The following GINS4 variants were observed in gnomAD, a reference collection of about 807,000 sequenced individuals.
The protein encoded by GINS4 is GINS complex subunit 4.
GINS4 carries 20 observed loss-of-function variants against 31.1 expected under a neutral mutation model. The observed-to-expected ratio is 0.64, with a 90% CI of 0.45 to 0.93. The LOEUF is 0.93. Ranked by LOEUF, GINS4 falls within the 40% of genes least tolerant of loss-of-function variation. GINS4 has a pLI of 0.00. For synonymous variants in GINS4, 85 were observed against 97.9 expected, an observed-to-expected ratio of 0.87 and a Z score of 0.78; for missense variants, 245 against 273.9, an observed-to-expected ratio of 0.89 and a Z score of 0.75.
chr8:41,540,508 G>A (rs1306662761), intron 6 of GINS4: 1 of 157,226 alleles, frequency 6.4e-6, no homozygotes, highest in Admixed American at 6.2e-5. Flanking sequence ...GTGGAGAGAG[G>A]AGGGAGGGGA....
At chr8:41,533,213 T>G (rs530425990) in intron 2 of GINS4, among the ~76,000 whole-genome samples, 7 of 152,260 alleles carry the variant, frequency 4.6e-5, no homozygotes, top group African/African-American at 1.7e-4. Flanking sequence ...CCATAAAATA[T>G]GAGCTGCCAA....
rs144307110 is a variant in GINS4 at position 41,541,857 on chromosome 8, G to A, written c.533G>A (p.Arg178Gln). The A allele has an allele frequency of 1.5e-4, 249 of 1,614,018 alleles. 1 individual carries two copies. Among genetic ancestry groups the A allele is most frequent in the Non-Finnish European group, 1.9e-4 (222 of 1,180,022 alleles). ...TACGTGTTTCTGAGAGTGAGAGAACGACAAGAAAACATACTGGTAGAACCA... is the reference window on the plus strand; with the variant it reads ...TACGTGTTTCTGAGAGTGAGAGAACAACAAGAAAACATACTGGTAGAACCA... ...DSYVFLRVRE[R>Q]QENILVEPDT... The change falls in exon 7 of 8, where the codon CGA (arginine) becomes CAA (glutamine). Residue 178 changes from arginine to glutamine, a missense_variant. Arg to Gln is a conservative substitution (Grantham distance 43). Coordinates refer to ENST00000276533, the MANE Select transcript of GINS4 (RefSeq NM_032336.3).
At position 41,541,790 on chromosome 8, in the gene GINS4, ATTG is replaced by A; in HGVS notation, c.485-13_485-11del. 2 of 1,600,116 alleles carry A rather than the reference ATTG, an allele frequency of 1.2e-6. No homozygotes were observed. The highest frequency in any genetic ancestry group is 1.7e-6 in the Non-Finnish European group (2 of 1,167,680). On this transcript the variant is annotated splice_polypyrimidine_tract_variant and intron_variant, in intron 6 of 7. Coordinates refer to ENST00000276533, the MANE Select transcript of GINS4 (RefSeq NM_032336.3). ...TGTTGGCCGAGGATTTCCTAATCACATTGTTGTTTTCCTGGCAGTTCCCAAACC... is the reference window on the plus strand; with the variant it reads ...TGTTGGCCGAGGATTTCCTAATCACATTGTTTTCCTGGCAGTTCCCAAACC...
chr8:41,530,789 G>A lies in GINS4; in HGVS notation c.96+491G>A, dbSNP rs188066499. ...CCTTTCTGAAATATTTCTCCTTTAA[G>A]TTGTAATAGCTATGACTTACTGCAT... is the stretch of plus-strand genomic sequence containing the variant. On this transcript the variant is annotated intron_variant, in intron 2 of 7. Coordinates refer to ENST00000276533, the MANE Select transcript of GINS4 (RefSeq NM_032336.3). Among the ~76,000 whole-genome samples the A allele has an allele frequency of 2.4e-3, 283 of 116,522 alleles. 3 individuals are homozygous for A. The highest frequency in any genetic ancestry group is 0.015 in the Admixed American group (170 of 11,704). 76.4% of individuals were successfully genotyped at this position (116,522 alleles called of 152,430 possible).
In GINS4 at chr8:41,544,672, T is replaced by C. The variant is rs547676638; in HGVS notation, c.*2585T>C. 1 of 152,266 alleles carries C rather than the reference T, an allele frequency of 6.6e-6. No individual in the cohort carries two copies. Among genetic ancestry groups the C allele is most frequent in the African/African-American group, 2.4e-5 (1 of 41,536 alleles). 9.4% of individuals were successfully genotyped at this position (152,266 alleles called of 1,614,324 possible). ...TCAAAAGCATTTAATTCCCATTCAA[T>C]TGAAAATGTTTCAAGAACAAACCTG... On this transcript the variant is annotated 3_prime_UTR_variant, in exon 8 of 8. Coordinates refer to ENST00000276533, the MANE Select transcript of GINS4 (RefSeq NM_032336.3).
intron 2 of GINS4, among the ~76,000 whole-genome samples, chr8:41,533,720 T>G (rs951606673): frequency 6.6e-6 from 1 of 152,208 alleles, no homozygotes; most frequent in African/African-American, 2.4e-5. Context: ...TAGTGATTGT[T>G]TTAGTTTGCT....
intron 4 of GINS4, chr8:41,538,145 CTT>C (rs1361434987): frequency 2.0e-5 from 3 of 152,154 alleles, no homozygotes; most frequent in African/African-American, 7.2e-5. Context: ...TAAATTATCT[CTT>C]CTACATGAGA....
At chr8:41,541,048 C>T (rs538445039) in intron 6 of GINS4, among the ~76,000 whole-genome samples, 5 of 151,778 alleles carry the variant, frequency 3.3e-5, no homozygotes, top group East Asian at 1.9e-4. Flanking sequence ...CCCTCCCCCC[C>T]ACCTTTTGAT....
At chr8:41,541,077 T>C (rs1398965555) in intron 6 of GINS4, among the ~76,000 whole-genome samples, 1 of 148,192 alleles carries the variant, frequency 6.7e-6, no homozygotes, top group Non-Finnish European at 1.5e-5. Context: ...TTTGTTTGCT[T>C]TTTATTTTTT....
chr8:41,531,826 G>C (rs1203407999), intron 2 of GINS4, among the ~76,000 whole-genome samples: 1 of 152,068 alleles, frequency 6.6e-6, no homozygotes, highest in Non-Finnish European at 1.5e-5. Context: ...AAGGAAAAAA[G>C]GGATACATTC....
intron 2 of GINS4, among the ~76,000 whole-genome samples, chr8:41,532,874 T>C (rs1165901373): frequency 4.6e-5 from 7 of 151,596 alleles, no homozygotes; most frequent in African/African-American, 1.5e-4. Context: ...TGCACACTTA[T>C]ATACTGCCGT....
chr8:41,541,924 T>C, intron 7 of GINS4, 25 bp downstream of exon 7: 1 of 1,611,834 alleles, frequency 6.2e-7, no homozygotes, highest in Non-Finnish European at 8.5e-7. Flanking sequence ...TCTTTCACAG[T>C]GGGCACATTC....
Position 41,544,850 on chromosome 8 carries a change from C to G in GINS4, c.*2763C>G, listed in dbSNP as rs943428359. ...GTGCAGTTGCTGCTGGCCCGGGGAC[C>G]ACATTGAATGACGGCTCTACGTCCT... is the stretch of plus-strand genomic sequence containing the variant. On this transcript the variant is annotated 3_prime_UTR_variant, in exon 8 of 8. Coordinates refer to ENST00000276533, the MANE Select transcript of GINS4 (RefSeq NM_032336.3). The G allele has an allele frequency of 3.3e-5, 5 of 152,226 alleles. No homozygotes were observed. The South Asian group carries it at 1.0e-3, about 32-fold the overall frequency. The allele number at this position is 152,226 out of a possible 1,614,324, so 9.4% of individuals were successfully genotyped here. A position where few individuals can be genotyped will look rare whatever the true frequency, so the allele number is the denominator to read the frequency against.
At chr8:41,537,562 A>G (rs1013078456) in intron 4 of GINS4, 2 of 367,626 alleles carry the variant, frequency 5.4e-6, no homozygotes, top group Admixed American at 4.3e-5. Flanking sequence ...GCGTTACAGC[A>G]TGGCAGTGCT....
intron 2 of GINS4, among the ~76,000 whole-genome samples, chr8:41,535,131 A>C (rs1357406241): frequency 6.6e-6 from 1 of 152,102 alleles, no homozygotes; most frequent in Non-Finnish European, 1.5e-5. Flanking sequence ...TGAGGTCAGG[A>C]GTTCAAGACC....
chr8:41,538,028 A>G (rs1412442016), intron 4 of GINS4: 3 of 152,148 alleles, frequency 2.0e-5, no homozygotes, highest in African/African-American at 7.2e-5. Context: ...CTCAAAAAAA[A>G]AAAAAAAAGA....
chr8:41,538,489 T>G (rs1806778828), intron 4 of GINS4, among the ~76,000 whole-genome samples: 1 of 152,172 alleles, frequency 6.6e-6, no homozygotes, highest in African/African-American at 2.4e-5. Context: ...CACTAACCCC[T>G]TTTAAGATGA....
chr8:41,539,181 G>A lies in GINS4; in HGVS notation c.298-497G>A, dbSNP rs1190445369. 3.3e-5 allele frequency among the ~76,000 whole-genome samples: 5 copies of A among 151,588 alleles called. No individual in the cohort carries two copies. The South Asian group carries it at 6.3e-4, about 19-fold the overall frequency. Reference sequence around the variant, plus strand: ...CTAAAAATACAAAAATCATCTGGGTGTGGTGGTGGGTGCCTGTAATCCCAG... The same window carrying A: ...CTAAAAATACAAAAATCATCTGGGTATGGTGGTGGGTGCCTGTAATCCCAG... On this transcript the variant is annotated intron_variant, in intron 4 of 7. Coordinates refer to ENST00000276533, the MANE Select transcript of GINS4 (RefSeq NM_032336.3).
chr8:41,530,195 C>T lies in GINS4; in HGVS notation c.-8C>T, dbSNP rs1563428623. The T allele has an allele frequency of 6.2e-7, 1 of 1,607,286 alleles. No homozygotes were observed. Among genetic ancestry groups the T allele is most frequent in the African/African-American group, 1.3e-5 (1 of 74,832 alleles). On this transcript the variant is annotated 5_prime_UTR_variant, in exon 2 of 8. Coordinates refer to ENST00000276533, the MANE Select transcript of GINS4 (RefSeq NM_032336.3). The stretch of plus-strand genomic sequence containing the variant: ...TTCCCTCTCATTAGGTTCCTGGTTT[C>T]AGAGAAGATGACCGAAGAAGTGGAT...
Sources: gnomAD v4.1 joint callset for allele counts (sites outside exome capture counted in the v4.1 genomes callset) on GRCh38, gnomAD v4.1.1 for gene constraint, MANE v1.5 for transcripts, NCBI Gene and HGNC (gene_info 2026-07-23, HGNC 2026-07-21) for gene names.